The following ATP9B variants were observed in gnomAD, a reference collection of about 807,000 sequenced individuals.
The protein encoded by ATP9B is ATPase phospholipid transporting 9B.
A neutral mutation model predicts 146.1 loss-of-function variants in ATP9B; 110 were observed. The ratio of observed to expected loss-of-function variants is 0.75; its 90% CI spans 0.65 to 0.88. The LOEUF is 0.88. Among genes scored for constraint, ATP9B ranks in the 40% least tolerant of loss-of-function variants. The pLI is 0.00. For synonymous variants in ATP9B, 604 were observed against 569.7 expected, an observed-to-expected ratio of 1.06 and a Z score of -0.86; for missense variants, 1,499 against 1,496.4, an observed-to-expected ratio of 1.00 and a Z score of -0.03.
intron 15 of ATP9B, among the ~76,000 whole-genome samples, chr18:79,327,874 ATGGATAGTGTGCTCTCCG>A (rs2096766339): frequency 7.2e-5 from 1 of 13,898 alleles, no homozygotes; most frequent in Non-Finnish European, 1.3e-4. Context: ...CGTGCTCTCC[ATGGATAGTGTGCTCTCCG>A]TGGTTAGCGT....
At chr18:79,198,474 G>A (rs761116849) in intron 9 of ATP9B, among the ~76,000 whole-genome samples, 1 of 152,174 alleles carries the variant, frequency 6.6e-6, no homozygotes, top group Non-Finnish European at 1.5e-5. Flanking sequence ...ATACGGTCAT[G>A]AGTTGCTTAA....
At chr18:79,328,152 C>CGTGCACTCCGTGGTTAGT (rs1289387332) in intron 15 of ATP9B, among the ~76,000 whole-genome samples, 50 of 150,060 alleles carry the variant, frequency 3.3e-4, no homozygotes, top group Non-Finnish European at 6.4e-4. Context: ...CTGTGGTTAG[C>CGTGCACTCCGTGGTTAGT]GTGCTCTCCG....
At chr18:79,317,293 A>G (rs2146799776) in intron 15 of ATP9B, among the ~76,000 whole-genome samples, 1 of 152,346 alleles carries the variant, frequency 6.6e-6, no homozygotes, top group African/African-American at 2.4e-5. Flanking sequence ...TTTTTTCAAA[A>G]GACATTTATT....
intron 7 of ATP9B, among the ~76,000 whole-genome samples, chr18:79,164,386 T>G (rs934479662): frequency 6.6e-6 from 1 of 152,140 alleles, no homozygotes; most frequent in Non-Finnish European, 1.5e-5. Context: ...TTAACAATGA[T>G]AATTCCCATA....
rs1245519215 is a variant in ATP9B at position 79,110,646 on chromosome 18, A to G, written c.444+141A>G. The G allele has an allele frequency of 2.6e-5, 18 of 705,378 alleles. No homozygotes were observed. The African/African-American group carries it at 3.3e-4, about 13-fold the overall frequency. 43.7% of individuals were successfully genotyped at this position (705,378 alleles called of 1,614,324 possible). A position where few individuals can be genotyped will look rare whatever the true frequency, so the allele number is the denominator to read the frequency against. ...ATCAGTGTCCTTTTGCTTTTGAACC[A>G]TCTGTGTTCCCAATAATCGCTAAAT... On this transcript the variant is annotated intron_variant, in intron 3 of 29. Coordinates refer to ENST00000426216, the MANE Select transcript of ATP9B (RefSeq NM_198531.5).
rs1022690866 is a variant in ATP9B at position 79,069,464 on chromosome 18, C to T, written c.54C>T (p.Ala18=). The T allele has an allele frequency of 8.0e-6, 12 of 1,507,700 alleles. No individual in the cohort carries two copies. The Admixed American group carries it at 9.0e-5, about 11-fold the overall frequency. The allele number at this position is 1,507,700 out of a possible 1,614,324, so 93.4% of individuals were successfully genotyped here. The change falls in exon 1 of 30, where the codon GCC becomes GCT. Residue 18 remains alanine (A), a synonymous_variant. Transcript: ENST00000426216. Reference sequence around the variant, plus strand: ...TGCGTAGCGCAGCGGCGGCCGCAGCCAACCGCAAACGCGCGGCCTACTACA... The same window carrying T: ...TGCGTAGCGCAGCGGCGGCCGCAGCTAACCGCAAACGCGCGGCCTACTACA... The part of the protein sequence containing the change: ...YPVRSAAAAA[A]NRKRAAYYSA...
intron 26 of ATP9B, among the ~76,000 whole-genome samples, chr18:79,370,978 A>C (rs376632445): frequency 3.9e-5 from 6 of 152,374 alleles, no homozygotes; most frequent in African/African-American, 1.2e-4. Flanking sequence ...CCAAACACCT[A>C]CCATTACCCA....
At chr18:79,095,193 C>T (rs1426007766) in intron 1 of ATP9B, among the ~76,000 whole-genome samples, 1 of 152,156 alleles carries the variant, frequency 6.6e-6, no homozygotes, top group Non-Finnish European at 1.5e-5. Context: ...TTTCCTTCCC[C>T]TCACCAACAA....
chr18:79,198,519 A>G (rs2095437269), intron 9 of ATP9B, among the ~76,000 whole-genome samples: 1 of 152,230 alleles, frequency 6.6e-6, no homozygotes, highest in Admixed American at 6.5e-5. Flanking sequence ...AAGTTAGACC[A>G]TTTCGTCATT....
At chr18:79,304,011 A>G (rs1178191397) in intron 14 of ATP9B, among the ~76,000 whole-genome samples, 2 of 152,252 alleles carry the variant, frequency 1.3e-5, no homozygotes, top group Non-Finnish European at 2.9e-5. Context: ...AAGAATGTTC[A>G]GTAGGATACT....
Position 79,231,803 on chromosome 18 carries a change from T to TATATATATATAC in ATP9B, c.1107+17766_1107+17767insTATATATATACA, listed in dbSNP as rs569726473. On this transcript the variant is annotated intron_variant, in intron 11 of 29. Coordinates refer to ENST00000426216, the MANE Select transcript of ATP9B (RefSeq NM_198531.5). ...GTATATATATATATATATATATATATACACACACACACCATGGAATACTGC... is the reference window on the plus strand; with the variant it reads ...GTATATATATATATATATATATATATATATATATATACACACACACACACCATGGAATACTGC... 1.7e-3 allele frequency among the ~76,000 whole-genome samples: 194 copies of TATATATATATAC among 114,734 alleles called. 1 individual carries two copies. Among genetic ancestry groups the TATATATATATAC allele is most frequent in the Middle Eastern group, 5.6e-3 (1 of 180 alleles). The allele number at this position is 114,734 out of a possible 152,430, so 75.3% of individuals were successfully genotyped here. A position where few individuals can be genotyped will look rare whatever the true frequency, so the allele number is the denominator to read the frequency against.
chr18:79,212,447 G>C (rs954616881), intron 10 of ATP9B, among the ~76,000 whole-genome samples: 1 of 152,114 alleles, frequency 6.6e-6, no homozygotes, highest in Admixed American at 6.5e-5. Context: ...TCAGCTCAAC[G>C]GTTTCTAGCT....
intron 1 of ATP9B, among the ~76,000 whole-genome samples, chr18:79,084,562 T>A (rs938255086): frequency 2.0e-5 from 3 of 152,054 alleles, no homozygotes; most frequent in African/African-American, 7.2e-5. Context: ...TGTAAGCGTA[T>A]TGTCTTAATT....
intron 26 of ATP9B, among the ~76,000 whole-genome samples, chr18:79,370,268 A>G (rs55979241): frequency 0.23 from 34,495 of 152,116 alleles, 4,531 homozygotes; most frequent in East Asian, 0.45. Flanking sequence ...TTCATGGCTC[A>G]TTTTATTTCA....
At chr18:79,362,584 CCTACT>C (rs1333595856) in intron 26 of ATP9B, 1 of 152,200 alleles carries the variant, frequency 6.6e-6, no homozygotes, top group Non-Finnish European at 1.5e-5. Context: ...GGGAAACTGA[CCTACT>C]CATCTCTCTC....
At chr18:79,346,674 C>T (rs900369615) in intron 23 of ATP9B, among the ~76,000 whole-genome samples, 1 of 141,894 alleles carries the variant, frequency 7.0e-6, no homozygotes, top group African/African-American at 2.6e-5. Flanking sequence ...GCACAGTCAG[C>T]ACACACTCGG....
In ATP9B at chr18:79,135,675, A is replaced by G. The variant is rs973729668; in HGVS notation, c.668-8127A>G. ...GAAGTCCAGTTGGTCAGTTTTATTTATGATTGTGCTTTTGTTGTTCTAAGA... is the reference window on the plus strand; with the variant it reads ...GAAGTCCAGTTGGTCAGTTTTATTTGTGATTGTGCTTTTGTTGTTCTAAGA... On this transcript the variant is annotated intron_variant, in intron 5 of 29. Transcript: ENST00000426216. Among the ~76,000 whole-genome samples, 10 of 152,226 alleles carry G rather than the reference A, an allele frequency of 6.6e-5. No individual in the cohort carries two copies. The South Asian group carries it at 8.3e-4, about 13-fold the overall frequency.
chr18:79,358,977 G>GGAT (rs1463665275), intron 25 of ATP9B, among the ~76,000 whole-genome samples: 1 of 151,798 alleles, frequency 6.6e-6, no homozygotes, highest in Non-Finnish European at 1.5e-5. Context: ...GTGTCCGTGT[G>GGAT]GATGCTGGTG....
intron 29 of ATP9B, chr18:79,376,247 G>A (rs1023400344): frequency 2.7e-5 from 26 of 970,650 alleles, no homozygotes; most frequent in African/African-American, 1.1e-4. Flanking sequence ...AGCCTAGATC[G>A]TCCAAACAAA....
Sources: allele counts gnomAD v4.1 joint callset (sites outside exome capture counted in the v4.1 genomes callset), GRCh38; gene constraint gnomAD v4.1.1; transcripts MANE v1.5; gene names NCBI Gene and HGNC (gene_info 2026-07-23, HGNC 2026-07-21).